ZNF680: variants seen among roughly 807,000 people sequenced by gnomAD.
The protein encoded by ZNF680 is hypothetical protein FLJ90430.
In ZNF680, 6 loss-of-function variants were observed where a neutral mutation model predicts 12.1. The observed-to-expected ratio is 0.49, with a 90% confidence interval of 0.27 to 0.98. The LOEUF (loss-of-function observed/expected upper bound fraction) is 0.98, where lower values mean the gene tolerates loss of function less well. Ranked by LOEUF, ZNF680 falls within the 50% of genes least tolerant of loss-of-function variation. The pLI is 0.12. For missense variants in ZNF680, 561 were observed against 616.3 expected (o/e 0.91, Z 0.95); for synonymous variants, 170 against 199.3 (o/e 0.85, Z 1.24).
At chr7:64,526,024 T>C in intron 3 of ZNF680, 1 of 983,380 alleles carries the variant, frequency 1.0e-6, no homozygotes, top group Non-Finnish European at 1.2e-6. Context: ...CATACTCAAT[T>C]ATAATATAAA....
intron 1 of ZNF680, among the ~76,000 whole-genome samples, chr7:64,548,952 C>G (rs1355686365): frequency 6.6e-6 from 1 of 151,950 alleles, no homozygotes; most frequent in Non-Finnish European, 1.5e-5. Context: ...GAAACCCCGT[C>G]TCTACTAAAA....
the ZNF680 span, among the ~76,000 whole-genome samples, chr7:64,509,393 A>T: frequency 6.6e-6 from 1 of 152,152 alleles, no homozygotes; most frequent in Admixed American, 6.5e-5. Context: ...TAATAAGACA[A>T]ATCTTAGCTT....
At chr7:64,526,748 AAT>A (rs1334518247) in intron 3 of ZNF680, among the ~76,000 whole-genome samples, 13 of 152,238 alleles carry the variant, frequency 8.5e-5, no homozygotes, top group Non-Finnish European at 1.5e-4. Context: ...AATAAAAAAT[AAT>A]AGTTTTTAAC....
the ZNF680 span, chr7:64,501,779 G>C: frequency 1.3e-6 from 1 of 740,964 alleles, no homozygotes; most frequent in Admixed American, 1.8e-5. Context: ...TTACCTAGGT[G>C]CTTCTCTAAG....
chr7:64,507,834 C>T, the ZNF680 span, among the ~76,000 whole-genome samples: 1 of 7,064 alleles, frequency 1.4e-4, no homozygotes, highest in South Asian at 2.4e-3. Flanking sequence ...AACACACACA[C>T]ACACACACAC....
Position 64,543,696 on chromosome 7 carries a change from C to T in ZNF680, c.253+11G>A. On this transcript the variant is annotated intron_variant, in intron 3 of 3. Transcript: ENST00000309683. ...GTGTCATCTGTTGTATTCACTATCA[C>T]TCTCACCTACCTGGGGGTTTGGCTA... 1 of 1,610,390 alleles carries T rather than the reference C, an allele frequency of 6.2e-7. No homozygotes were observed. The highest frequency in any genetic ancestry group is 8.5e-7 in the Non-Finnish European group (1 of 1,177,246).
chr7:64,520,885 G>T lies in ZNF680; in HGVS notation c.*276C>A. Reference sequence around the variant, plus strand: ...ATTGCATTTATAATGCTTTTAATAAGTATAAACTCTGGTGTTGAGTAAGAT... The same window carrying T: ...ATTGCATTTATAATGCTTTTAATAATTATAAACTCTGGTGTTGAGTAAGAT... On this transcript the variant is annotated 3_prime_UTR_variant, in exon 4 of 4. Coordinates refer to ENST00000309683, the MANE Select transcript of ZNF680 (RefSeq NM_178558.5). 1 of 314,800 alleles carries T rather than the reference G, an allele frequency of 3.2e-6. No homozygotes were observed. Among genetic ancestry groups the T allele is most frequent in the Non-Finnish European group, 5.8e-6 (1 of 171,876 alleles). The allele number at this position is 314,800 out of a possible 1,614,324, so 19.5% of individuals were successfully genotyped here.
At chr7:64,545,240 G>A (rs1786723068) in intron 1 of ZNF680, among the ~76,000 whole-genome samples, 1 of 135,268 alleles carries the variant, frequency 7.4e-6, no homozygotes, top group East Asian at 2.3e-4. Flanking sequence ...TTCTAGCCTG[G>A]GCAACAGAGT....
the ZNF680 span, among the ~76,000 whole-genome samples, chr7:64,506,811 G>A: frequency 5.3e-5 from 8 of 152,112 alleles, no homozygotes; most frequent in African/African-American, 1.7e-4. Context: ...CTGCTATTGT[G>A]AGCAAGTCAT....
At chr7:64,554,229 C>G (rs925641499) in intron 1 of ZNF680, among the ~76,000 whole-genome samples, 8 of 151,454 alleles carry the variant, frequency 5.3e-5, no homozygotes, top group Non-Finnish European at 1.5e-5. Context: ...CGCCTCTGCC[C>G]GGCCGCGACC....
chr7:64,522,107 C>T lies in ZNF680; in HGVS notation c.647G>A (p.Gly216Asp), dbSNP rs1248867674. Reference sequence around the variant, plus strand: ...CTCTGAGAACCAGTTAAGAACTTTGCCACATTCCTCACATTTGTAAGAATT... The same window carrying T: ...CTCTGAGAACCAGTTAAGAACTTTGTCACATTCCTCACATTTGTAAGAATT... The part of the protein sequence containing the change: ...RENSYKCEEC[G>D]KVLNWFSELI... The change falls in exon 4 of 4, where the codon GGC becomes GAC. Residue 216 changes from glycine (G) to aspartate (D), a missense_variant. Transcript: ENST00000309683. 6.8e-6 allele frequency: 11 copies of T among 1,611,134 alleles called. No homozygotes were observed. The Admixed American group carries it at 1.8e-4, about 27-fold the overall frequency.
At chr7:64,531,305 C>T (rs960447857) in intron 3 of ZNF680, among the ~76,000 whole-genome samples, 9 of 152,090 alleles carry the variant, frequency 5.9e-5, no homozygotes, top group African/African-American at 1.7e-4. Context: ...TGGAATAAAA[C>T]TAGAAATCAG....
chr7:64,506,587 T>C, the ZNF680 span, among the ~76,000 whole-genome samples: 1 of 152,116 alleles, frequency 6.6e-6, no homozygotes, highest in Non-Finnish European at 1.5e-5. Flanking sequence ...TATTAACTAA[T>C]TTTTTTTCTG....
rs1791445403 is a variant in ZNF680 at position 64,519,988 on chromosome 7, T to C, written c.*1173A>G. 1 of 151,836 alleles carries C rather than the reference T, an allele frequency of 6.6e-6. No homozygotes were observed. The highest frequency in any genetic ancestry group is 2.1e-4 in the South Asian group (1 of 4,834). 9.4% of individuals were successfully genotyped at this position (151,836 alleles called of 1,614,324 possible). A position where few individuals can be genotyped will look rare whatever the true frequency, so the allele number is the denominator to read the frequency against. Reference sequence around the variant, plus strand: ...AAGTACAATTAGTAAAATGATTCACTAGTAATTTAATTACATTTAATTTAA... The same window carrying C: ...AAGTACAATTAGTAAAATGATTCACCAGTAATTTAATTACATTTAATTTAA... On this transcript the variant is annotated 3_prime_UTR_variant, in exon 4 of 4. Coordinates refer to ENST00000309683, the MANE Select transcript of ZNF680 (RefSeq NM_178558.5).
intron 3 of ZNF680, among the ~76,000 whole-genome samples, chr7:64,534,070 T>C (rs1786030140): frequency 6.6e-6 from 1 of 152,146 alleles, no homozygotes; most frequent in Non-Finnish European, 1.5e-5. Context: ...TTCTGTAAGA[T>C]AACATTGGAA....
intron 1 of ZNF680, among the ~76,000 whole-genome samples, chr7:64,553,264 T>C (rs1027346790): frequency 2.0e-5 from 3 of 152,146 alleles, no homozygotes; most frequent in Admixed American, 6.5e-5. Context: ...TTTATTTAGC[T>C]ACACCTAGAT....
At chr7:64,537,544 A>C (rs764300889) in intron 3 of ZNF680, among the ~76,000 whole-genome samples, 1 of 152,214 alleles carries the variant, frequency 6.6e-6, no homozygotes, top group Non-Finnish European at 1.5e-5. Flanking sequence ...ATGAAAAAAA[A>C]GCATTATACT....
intron 3 of ZNF680, among the ~76,000 whole-genome samples, chr7:64,534,468 C>T (rs966786779): frequency 9.2e-5 from 14 of 152,150 alleles, no homozygotes; most frequent in East Asian, 1.9e-4. Flanking sequence ...TGCAGTACCA[C>T]CTTACTTTTG....
At chr7:64,556,431 A>G (rs1313171973) in intron 1 of ZNF680, among the ~76,000 whole-genome samples, 3 of 152,164 alleles carry the variant, frequency 2.0e-5, no homozygotes, top group Non-Finnish European at 4.4e-5. Flanking sequence ...TGGTACAAAC[A>G]CAGACTACAG....
Sources: allele counts gnomAD v4.1 joint callset (sites outside exome capture counted in the v4.1 genomes callset), GRCh38; gene constraint gnomAD v4.1.1; transcripts MANE v1.5; gene names NCBI Gene and HGNC (gene_info 2026-07-23, HGNC 2026-07-21).